CNTNAP2: variants seen among roughly 807,000 people sequenced by gnomAD.
The protein encoded by CNTNAP2 is contactin associated protein 2, also known as contactin-associated protein-like 2.
In CNTNAP2, 98 loss-of-function variants were observed where a neutral mutation model predicts 155.2. The observed-to-expected ratio is 0.63, with a 90% CI of 0.54 to 0.75. The LOEUF is 0.75. CNTNAP2 is among the 30% of genes least tolerant of loss of function. CNTNAP2 has a pLI of 0.00. For missense variants in CNTNAP2, 1,727 were observed against 1,688.1 expected (o/e 1.02, Z -0.40); for synonymous variants, 651 against 631.2 (o/e 1.03, Z -0.47).
chr7:147,316,334 T>C (rs2116808820), intron 9 of CNTNAP2, among the ~76,000 whole-genome samples: 1 of 152,168 alleles, frequency 6.6e-6, no homozygotes, highest in East Asian at 1.9e-4. Flanking sequence ...AAACCTTAGA[T>C]TTCATGAAAT....
chr7:146,377,052 C>T (rs576837123), intron 1 of CNTNAP2, among the ~76,000 whole-genome samples: 8 of 152,170 alleles, frequency 5.3e-5, no homozygotes, highest in South Asian at 2.1e-4. Context: ...ATACAGCCTC[C>T]GGTATTTTGT....
intron 15 of CNTNAP2, among the ~76,000 whole-genome samples, chr7:147,993,220 A>G (rs1312654537): frequency 2.0e-5 from 3 of 152,234 alleles, no homozygotes; most frequent in Non-Finnish European, 4.4e-5. Flanking sequence ...GGCAAAAACC[A>G]ACACTTTGTA....
At position 146,385,164 on chromosome 7, in the gene CNTNAP2, G is replaced by T. The variant is rs183728719; in HGVS notation, c.97+268191G>T. ...ATTCCATTTTTTTTTCTACCACTAGGTTTCCTTCCAGCTCTAACATTTCTT... is the reference window on the plus strand; with the variant it reads ...ATTCCATTTTTTTTTCTACCACTAGTTTTCCTTCCAGCTCTAACATTTCTT... On this transcript the variant is annotated intron_variant, in intron 1 of 23. Transcript: ENST00000361727. 1.5e-3 allele frequency among the ~76,000 whole-genome samples: 235 copies of T among 151,996 alleles called. 1 individual carries two copies. Among genetic ancestry groups the T allele is most frequent in the Admixed American group, 5.5e-3 (84 of 15,270 alleles).
At chr7:146,347,161 A>AT (rs1343980783) in intron 1 of CNTNAP2, among the ~76,000 whole-genome samples, 7 of 141,188 alleles carry the variant, frequency 5.0e-5, no homozygotes, top group Admixed American at 2.1e-4. Context: ...AAAAAAAAAA[A>AT]CCCTGCCTGT....
At chr7:147,364,217 G>T (rs187078302) in intron 9 of CNTNAP2, among the ~76,000 whole-genome samples, 1 of 152,158 alleles carries the variant, frequency 6.6e-6, no homozygotes, top group African/African-American at 2.4e-5. Context: ...GTGGATAAAA[G>T]ATCCAAAATA....
chr7:148,371,349 AAT>A (rs1201088605), intron 21 of CNTNAP2, among the ~76,000 whole-genome samples: 2 of 152,122 alleles, frequency 1.3e-5, no homozygotes, highest in African/African-American at 4.8e-5. Context: ...GGCATTTCCA[AAT>A]ATAGAAATTG....
intron 1 of CNTNAP2, among the ~76,000 whole-genome samples, chr7:146,759,257 T>C (rs544802419): frequency 6.6e-6 from 1 of 152,182 alleles, no homozygotes; most frequent in African/African-American, 2.4e-5. Flanking sequence ...ATTTCTTTAC[T>C]GGTGAAATAC....
intron 1 of CNTNAP2, among the ~76,000 whole-genome samples, chr7:146,479,586 AACAT>A (rs1796929726): frequency 1.3e-5 from 2 of 152,120 alleles, no homozygotes; most frequent in South Asian, 4.1e-4. Flanking sequence ...TCAGTGTCTA[AACAT>A]ACAGTGAACA....
chr7:147,002,788 A>G (rs942991705), intron 3 of CNTNAP2, among the ~76,000 whole-genome samples: 3 of 151,758 alleles, frequency 2.0e-5, no homozygotes, highest in African/African-American at 7.3e-5. Context: ...GGGTCTCTTC[A>G]TTAGGGCGCT....
chr7:146,915,949 G>C (rs972132471), intron 3 of CNTNAP2: 2 of 152,200 alleles, frequency 1.3e-5, no homozygotes, highest in African/African-American at 4.8e-5. Flanking sequence ...AATGTTGACT[G>C]TGGGTTTGTT....
At chr7:146,530,669 T>G (rs1254606569) in intron 1 of CNTNAP2, among the ~76,000 whole-genome samples, 2 of 152,080 alleles carry the variant, frequency 1.3e-5, no homozygotes, top group Non-Finnish European at 2.9e-5. Context: ...AAAACTACAA[T>G]GAGATACCAT....
intron 1 of CNTNAP2, among the ~76,000 whole-genome samples, chr7:146,342,663 A>G (rs1309869856): frequency 6.6e-6 from 1 of 152,330 alleles, no homozygotes; most frequent in East Asian, 1.9e-4. Flanking sequence ...AATAAGGTGT[A>G]TCTATGTAAT....
chr7:146,968,917 G>T (rs1584755742), intron 3 of CNTNAP2, among the ~76,000 whole-genome samples: 1 of 144,858 alleles, frequency 6.9e-6, no homozygotes, highest in East Asian at 2.0e-4. Context: ...TGTCAATTTT[G>T]GATCTTTCCT....
At chr7:147,609,980 C>T (rs369370419) in intron 12 of CNTNAP2, among the ~76,000 whole-genome samples, 10 of 151,982 alleles carry the variant, frequency 6.6e-5, no homozygotes, top group Non-Finnish European at 1.3e-4. Context: ...TTTTTGTTGT[C>T]GTGGTGGTGG....
chr7:147,466,561 C>T (rs1013951108), intron 10 of CNTNAP2, among the ~76,000 whole-genome samples: 2 of 152,150 alleles, frequency 1.3e-5, no homozygotes, highest in South Asian at 4.1e-4. Flanking sequence ...TCTTTTGCTT[C>T]TGAGACTGCC....
At chr7:148,297,898 A>G (rs1016821440) in intron 21 of CNTNAP2, among the ~76,000 whole-genome samples, 1 of 152,178 alleles carries the variant, frequency 6.6e-6, no homozygotes, top group Non-Finnish European at 1.5e-5. Context: ...CACCCCAAAC[A>G]GAAGCACACA....
intron 21 of CNTNAP2, among the ~76,000 whole-genome samples, chr7:148,282,985 AGC>A (rs1796999682): frequency 6.6e-6 from 1 of 152,106 alleles, no homozygotes; most frequent in Non-Finnish European, 1.5e-5. Flanking sequence ...CTGTAATCCC[AGC>A]ACTTTGGGAG....
chr7:146,585,593 GA>G (rs1798676753), intron 1 of CNTNAP2, among the ~76,000 whole-genome samples: 1 of 151,950 alleles, frequency 6.6e-6, no homozygotes, highest in African/African-American at 2.4e-5. Context: ...ATTCTCCTAT[GA>G]GTGTCAAGTT....
intron 1 of CNTNAP2, among the ~76,000 whole-genome samples, chr7:146,296,027 A>G (rs918258252): frequency 2.6e-5 from 4 of 152,158 alleles, no homozygotes; most frequent in Non-Finnish European, 4.4e-5. Context: ...ATTTTGACCT[A>G]CTTCCTTACA....
Sources: gnomAD v4.1 joint callset for allele counts (sites outside exome capture counted in the v4.1 genomes callset) on GRCh38, gnomAD v4.1.1 for gene constraint, MANE v1.5 for transcripts, NCBI Gene and HGNC (gene_info 2026-07-23, HGNC 2026-07-21) for gene names.